ROCK2: variants seen among roughly 807,000 people sequenced by gnomAD.
The protein encoded by ROCK2 is rho-associated protein kinase 2.
Under a neutral mutation model 195.1 loss-of-function variants are expected in ROCK2, and 61 were observed. The ratio of observed to expected loss-of-function variants is 0.31; its 90% confidence interval spans 0.25 to 0.39. The LOEUF (loss-of-function observed/expected upper bound fraction) is 0.39, where lower values mean the gene tolerates loss of function less well. Ranked by LOEUF, ROCK2 falls within the 10% of genes least tolerant of loss-of-function variation. ROCK2 has a pLI of 1.00. For synonymous variants in ROCK2, 504 were observed against 545.5 expected (o/e 0.92, Z 1.06); for missense variants, 1,109 against 1,637.4 (o/e 0.68, Z 5.57).
At chr2:11,218,599 G>C in intron 10 of ROCK2, 133 bp from the exon 11 acceptor site, 5 of 604,140 alleles carry the variant, frequency 8.3e-6, no homozygotes, top group Middle Eastern at 7.4e-4. Flanking sequence ...AAGAAAAAAT[G>C]TTTAGCATCA....
chr2:11,304,402 G>A (rs1667793417), intron 1 of ROCK2, among the ~76,000 whole-genome samples: 1 of 152,034 alleles, frequency 6.6e-6, no homozygotes, highest in African/African-American at 2.4e-5. Context: ...TTTCTCTCAA[G>A]AGCCCAAATC....
chr2:11,185,737 T>A (rs922608012), intron 32 of ROCK2, among the ~76,000 whole-genome samples: 5 of 150,916 alleles, frequency 3.3e-5, no homozygotes, highest in Non-Finnish European at 7.4e-5. Flanking sequence ...CTCAAAAAAT[T>A]AATAAATAAA....
At chr2:11,262,708 T>C (rs945668721) in intron 3 of ROCK2, among the ~76,000 whole-genome samples, 8 of 152,156 alleles carry the variant, frequency 5.3e-5, no homozygotes, top group Non-Finnish European at 1.2e-4. Context: ...GAACTGTAAG[T>C]CCAATAAACT....
At chr2:11,273,403 C>CAA (rs148834357) in intron 3 of ROCK2, among the ~76,000 whole-genome samples, 8 of 149,796 alleles carry the variant, frequency 5.3e-5, no homozygotes, top group African/African-American at 2.0e-4. Context: ...TTACAGGAAA[C>CAA]AAAAAAAAAC....
chr2:11,235,979 A>G lies in ROCK2; in HGVS notation c.463-17T>C. On this transcript the variant is annotated splice_polypyrimidine_tract_variant and intron_variant, in intron 4 of 32. Coordinates refer to ENST00000315872, the MANE Select transcript of ROCK2 (RefSeq NM_004850.5). This position sits in a 1 kb window ranked among gnomAD's most constrained non-coding sequence, Gnocchi z 4.2. Reference sequence around the variant, plus strand: ...ATAAAAAAGCTGGAAAACAAAAGGAAAAGGAAAAATTTTTAAAAACCCAAA... The same window carrying G: ...ATAAAAAAGCTGGAAAACAAAAGGAGAAGGAAAAATTTTTAAAAACCCAAA... 7.0e-7 allele frequency: 1 copy of G among 1,429,876 alleles called. No homozygotes were observed. Among genetic ancestry groups the G allele is most frequent in the Non-Finnish European group, 9.2e-7 (1 of 1,087,248 alleles). 88.6% of individuals were successfully genotyped at this position (1,429,876 alleles called of 1,614,324 possible).
At chr2:11,302,376 G>C (rs936211380) in intron 1 of ROCK2, among the ~76,000 whole-genome samples, 1 of 151,446 alleles carries the variant, frequency 6.6e-6, no homozygotes, top group African/African-American at 2.4e-5. Flanking sequence ...CTGGAGTGCA[G>C]TGGTATGGTC....
At chr2:11,290,805 C>T (rs927956387) in intron 1 of ROCK2, among the ~76,000 whole-genome samples, 1 of 152,026 alleles carries the variant, frequency 6.6e-6, no homozygotes, top group African/African-American at 2.4e-5. Flanking sequence ...GTGAAAATCC[C>T]CACTCCTAAA....
chr2:11,247,397 C>T (rs530962013), intron 4 of ROCK2, among the ~76,000 whole-genome samples: 43 of 152,150 alleles, frequency 2.8e-4, no homozygotes, highest in African/African-American at 6.3e-4. Context: ...ATTTTATACA[C>T]ATAAATATAA....
At chr2:11,199,085 G>A (rs1313218703) in intron 23 of ROCK2, among the ~76,000 whole-genome samples, 5 of 151,700 alleles carry the variant, frequency 3.3e-5, no homozygotes, top group African/African-American at 1.2e-4. Context: ...AGTTTTAGTA[G>A]AGATGGGGTT....
At chr2:11,340,970 C>A (rs1669085657) in intron 1 of ROCK2, among the ~76,000 whole-genome samples, 1 of 152,032 alleles carries the variant, frequency 6.6e-6, no homozygotes, top group Admixed American at 6.6e-5. Context: ...AAACACAGTT[C>A]TTTTTACCAT....
chr2:11,305,660 T>C (rs905417498), intron 1 of ROCK2, among the ~76,000 whole-genome samples: 1 of 152,204 alleles, frequency 6.6e-6, no homozygotes, highest in African/African-American at 2.4e-5. Flanking sequence ...AGGAAAATGA[T>C]AAGATGAGCT....
chr2:11,258,189 G>C (rs1046174326), intron 3 of ROCK2, among the ~76,000 whole-genome samples: 2 of 151,376 alleles, frequency 1.3e-5, no homozygotes, highest in South Asian at 2.1e-4. Context: ...GCTTGGTACA[G>C]AGTAGATGCT....
chr2:11,181,021 C>G lies in ROCK2; in HGVS notation c.*2416G>C, dbSNP rs1040848518. ...CAGAATTATCTTTTTCCCCTAAGAC[C>G]TTCATATGAATCTTCCTTGTACAGT... is the stretch of plus-strand genomic sequence containing the variant. On this transcript the variant is annotated 3_prime_UTR_variant, in exon 33 of 33. Transcript: ENST00000315872. 6.6e-5 allele frequency: 10 copies of G among 151,824 alleles called. No individual in the cohort carries two copies. Among genetic ancestry groups the G allele is most frequent in the African/African-American group, 2.4e-4 (10 of 41,426 alleles). The allele number at this position is 151,824 out of a possible 1,614,324, so 9.4% of individuals were successfully genotyped here.
rs374762828 is a variant in ROCK2 at position 11,248,215 on chromosome 2, G to T, written c.462+1446C>A. ...ACATGGTCAAAAGTGGGTTTTTTTTGGGGGGGGATGGGGGGAGGGGAATCT... is the reference window on the plus strand; with the variant it reads ...ACATGGTCAAAAGTGGGTTTTTTTTTGGGGGGGATGGGGGGAGGGGAATCT... On this transcript the variant is annotated intron_variant, in intron 4 of 32. Transcript: ENST00000315872. Among the ~76,000 whole-genome samples, 243 of 132,876 alleles carry T rather than the reference G, an allele frequency of 1.8e-3. 1 individual carries two copies. The highest frequency in any genetic ancestry group is 6.1e-3 in the African/African-American group (227 of 37,334). The allele number at this position is 132,876 out of a possible 152,430, so 87.2% of individuals were successfully genotyped here. A position where few individuals can be genotyped will look rare whatever the true frequency, so the allele number is the denominator to read the frequency against.
chr2:11,221,567 T>C (rs964055212), intron 8 of ROCK2, among the ~76,000 whole-genome samples: 1 of 152,176 alleles, frequency 6.6e-6, no homozygotes, highest in African/African-American at 2.4e-5. Context: ...GAAAGCAACA[T>C]ATTATTCTAG....
At position 11,216,155 on chromosome 2, in the gene ROCK2, T is replaced by C; in HGVS notation, c.1461+3A>G. ...TGTTAATAAAAAAGTGGGGCAACTTTACCTCCTCTTCTAGCTCCTTTGCTG... is the reference window on the plus strand; with the variant it reads ...TGTTAATAAAAAAGTGGGGCAACTTCACCTCCTCTTCTAGCTCCTTTGCTG... On this transcript the variant is annotated splice_donor_region_variant and intron_variant, in intron 13 of 32. Coordinates refer to ENST00000315872, the MANE Select transcript of ROCK2 (RefSeq NM_004850.5). 6.2e-7 allele frequency: 1 copy of C among 1,612,192 alleles called. No homozygotes were observed. The highest frequency in any genetic ancestry group is 8.5e-7 in the Non-Finnish European group (1 of 1,178,390).
At chr2:11,207,494 C>T (rs1487356018) in intron 20 of ROCK2, among the ~76,000 whole-genome samples, 1 of 152,176 alleles carries the variant, frequency 6.6e-6, no homozygotes, top group East Asian at 1.9e-4. Flanking sequence ...TGCCTCATCA[C>T]CAACACTTCC....
In ROCK2 at chr2:11,212,782, C is replaced by T. The variant is rs563742765; in HGVS notation, c.2044-942G>A. On this transcript the variant is annotated intron_variant, in intron 17 of 32. Coordinates refer to ENST00000315872, the MANE Select transcript of ROCK2 (RefSeq NM_004850.5). ...AAAAGAAAAAAAAAAATCACTACTT[C>T]ACACAGTCTTTTCCCAGATGGGCTA... Among the ~76,000 whole-genome samples, 6 of 152,100 alleles carry T rather than the reference C, an allele frequency of 3.9e-5. No homozygotes were observed. In the East Asian group the frequency reaches 1.2e-3, roughly 29 times the overall value.
intron 1 of ROCK2, among the ~76,000 whole-genome samples, chr2:11,327,650 C>A (rs1668590365): frequency 6.6e-6 from 1 of 152,134 alleles, no homozygotes; most frequent in Non-Finnish European, 1.5e-5. Context: ...GAAATCTCCA[C>A]CTCCCCAGCT....
Sources: gnomAD v4.1 joint callset for allele counts (sites outside exome capture counted in the v4.1 genomes callset) on GRCh38, gnomAD v4.1.1 for gene constraint, Gnocchi (gnomAD v3.1) non-coding constraint, MANE v1.5 for transcripts, NCBI Gene and HGNC (gene_info 2026-07-23, HGNC 2026-07-21) for gene names.